The following DAW1 variants were observed in gnomAD, a reference collection of about 807,000 sequenced individuals.
DAW1 encodes dynein assembly factor with WD repeat domains 1.
Under a neutral mutation model 56.5 loss-of-function variants are expected in DAW1, and 47 were observed. That is an observed-to-expected ratio of 0.83 (90% CI 0.66 to 1.06). The LOEUF (loss-of-function observed/expected upper bound fraction) is 1.06, where lower values mean the gene tolerates loss of function less well. DAW1 is among the 50% of genes least tolerant of loss of function. DAW1 has a pLI of 0.00. For synonymous variants in DAW1, 190 were observed against 179.0 expected (o/e 1.06, Z -0.49); for missense variants, 505 against 499.3 (o/e 1.01, Z -0.11).
intron 1 of DAW1, among the ~76,000 whole-genome samples, chr2:227,878,084 A>G (rs1690927313): frequency 6.6e-6 from 1 of 152,234 alleles, no homozygotes; most frequent in African/African-American, 2.4e-5. Context: ...TATTTGCTAA[A>G]ATGTTAAAAA....
chr2:227,876,784 A>ATT lies in DAW1; in HGVS notation c.40+5056_40+5057dup, dbSNP rs1690894822. Among the ~76,000 whole-genome samples, 3 of 152,336 alleles carry ATT rather than the reference A, an allele frequency of 2.0e-5. No individual in the cohort carries two copies. The East Asian group carries it at 5.8e-4, about 29-fold the overall frequency. On this transcript the variant is annotated intron_variant, in intron 1 of 12. Transcript: ENST00000309931. ...CTTTTCATCTTGGTCACATTTATTA[A>ATT]TTCATAAGCTCTTTGCTTTGGGGAG...
At chr2:227,906,199 A>C in intron 8 of DAW1, 37 bp from the exon 9 acceptor site, 1 of 1,530,934 alleles carries the variant, frequency 6.5e-7, no homozygotes, top group Non-Finnish European at 9.0e-7. Flanking sequence ...CTGAAGTAAG[A>C]TATCTTTCAC....
intron 2 of DAW1, among the ~76,000 whole-genome samples, chr2:227,888,047 T>C (rs1044719627): frequency 6.6e-6 from 1 of 152,238 alleles, no homozygotes; most frequent in African/African-American, 2.4e-5. Context: ...TTTTTGACAA[T>C]GAAATATCTC....
At chr2:227,873,059 C>G (rs1468489410) in intron 1 of DAW1, among the ~76,000 whole-genome samples, 1 of 152,182 alleles carries the variant, frequency 6.6e-6, no homozygotes, top group Non-Finnish European at 1.5e-5. Flanking sequence ...TCTACCCTCA[C>G]TATACTTCTG....
At chr2:227,876,213 G>A (rs1380593869) in intron 1 of DAW1, among the ~76,000 whole-genome samples, 1 of 152,120 alleles carries the variant, frequency 6.6e-6, no homozygotes, top group African/African-American at 2.4e-5. Context: ...GTAGAGACGG[G>A]GTTTCACCGT....
At position 227,921,407 on chromosome 2, in the gene DAW1, CA is replaced by C. The variant is rs751057521; in HGVS notation, c.1061del (p.Asn354ThrfsTer8). The C allele has an allele frequency of 7.7e-6, 11 of 1,432,302 alleles. No individual in the cohort carries two copies. The highest frequency in any genetic ancestry group is 1.0e-5 in the Non-Finnish European group (11 of 1,070,788). 88.7% of individuals were successfully genotyped at this position (1,432,302 alleles called of 1,614,324 possible). On this transcript the variant is annotated frameshift_variant, in exon 12 of 13. Coordinates refer to ENST00000309931, the MANE Select transcript of DAW1 (RefSeq NM_178821.3). LOFTEE classifies it high-confidence loss of function. ...HEGEISKISF[N>X]PQGNHLLTGS... ...TTCTTTCTCTTTTGCAGATTTCTTT[CA>C]ACCCTCAAGGGAACCATCTTCTAAC...
chr2:227,918,138 A>ATCCG (rs1175825951), intron 10 of DAW1, among the ~76,000 whole-genome samples: 122 of 136,464 alleles, frequency 8.9e-4, no homozygotes, highest in African/African-American at 3.1e-3. Flanking sequence ...CCATCCATCC[A>ATCCG]TCCGTCCATC....
At chr2:227,883,345 T>C (rs1188634021) in intron 1 of DAW1, among the ~76,000 whole-genome samples, 2 of 152,236 alleles carry the variant, frequency 1.3e-5, no homozygotes, top group Admixed American at 1.3e-4. Flanking sequence ...TCTGATATTG[T>C]GTGATGAAAT....
chr2:227,918,704 T>C, intron 10 of DAW1, 76 bp from the exon 11 acceptor site: 1 of 1,505,030 alleles, frequency 6.6e-7, no homozygotes, highest in Non-Finnish European at 9.2e-7. Context: ...GATATATATT[T>C]ATACAATGCA....
At chr2:227,873,346 G>A (rs368172195) in intron 1 of DAW1, among the ~76,000 whole-genome samples, 2 of 152,084 alleles carry the variant, frequency 1.3e-5, no homozygotes, top group Non-Finnish European at 2.9e-5. Context: ...TGTAAACTTC[G>A]TGAGAACTAA....
chr2:227,916,918 CTG>C (rs944520497), intron 10 of DAW1, among the ~76,000 whole-genome samples: 6 of 152,308 alleles, frequency 3.9e-5, no homozygotes, highest in Middle Eastern at 3.4e-3. Context: ...TGATGCTACA[CTG>C]TGTATGTGTC....
rs1403666363 is a variant in DAW1, at chr2:227,917,122, A to ATCTATCTGTCTG, written c.974-1651_974-1650insGTCTGTCTATCT. Among the ~76,000 whole-genome samples the ATCTATCTGTCTG allele has an allele frequency of 2.3e-3, 224 of 99,078 alleles. 1 individual carries two copies. Among genetic ancestry groups the ATCTATCTGTCTG allele is most frequent in the African/African-American group, 0.011 (214 of 19,214 alleles). The allele number at this position is 99,078 out of a possible 152,430, so 65.0% of individuals were successfully genotyped here. ...TGACCATGCATGACAGTATCTATCT[A>ATCTATCTGTCTG]TCTATCTATCTATCTATCTATCTGT... is the stretch of plus-strand genomic sequence containing the variant. On this transcript the variant is annotated intron_variant, in intron 10 of 12. Coordinates refer to ENST00000309931, the MANE Select transcript of DAW1 (RefSeq NM_178821.3).
chr2:227,889,992 CT>C lies in DAW1; in HGVS notation c.255del (p.Phe85LeufsTer11). ...CCAGAACAGCAATCACACGTTCTATCTTTTTAAGGTAATGGATTTAAAAACA... is the reference window on the plus strand; with the variant it reads ...CCAGAACAGCAATCACACGTTCTATCTTTTAAGGTAATGGATTTAAAAACA... ...LGQNSNHTFY[L>X]FKVLKAHILP... On this transcript the variant is annotated frameshift_variant, in exon 3 of 13. Transcript: ENST00000309931. LOFTEE classifies it high-confidence loss of function. 1.3e-6 allele frequency: 2 copies of C among 1,578,924 alleles called. No individual in the cohort carries two copies. Among genetic ancestry groups the C allele is most frequent in the Non-Finnish European group, 1.7e-6 (2 of 1,167,202 alleles).
chr2:227,903,154 A>G (rs750469389), intron 7 of DAW1, 45 bp downstream of exon 7: 4 of 1,589,534 alleles, frequency 2.5e-6, no homozygotes, highest in Non-Finnish European at 2.6e-6. Context: ...GTTCATTCTT[A>G]TTTGTGTTTT....
At chr2:227,899,684 A>G (rs1307821196) in intron 6 of DAW1, among the ~76,000 whole-genome samples, 1 of 152,226 alleles carries the variant, frequency 6.6e-6, no homozygotes, top group Non-Finnish European at 1.5e-5. Flanking sequence ...AGAGCAAACA[A>G]GAACATACAG....
chr2:227,893,193 C>A (rs1481479472), intron 4 of DAW1, among the ~76,000 whole-genome samples: 1 of 150,992 alleles, frequency 6.6e-6, no homozygotes, highest in Non-Finnish European at 1.5e-5. Context: ...TCGCTTGAAC[C>A]CCGGAGGCAG....
intron 6 of DAW1, among the ~76,000 whole-genome samples, chr2:227,902,283 A>G (rs1449541438): frequency 6.6e-6 from 1 of 152,148 alleles, no homozygotes; most frequent in Non-Finnish European, 1.5e-5. Flanking sequence ...TAATGTTAGC[A>G]GTTGGTACGG....
intron 3 of DAW1, among the ~76,000 whole-genome samples, 155 bp from the exon 4 acceptor site, chr2:227,891,097 CAAT>C (rs1232795102): frequency 6.6e-6 from 1 of 152,162 alleles, no homozygotes; most frequent in Non-Finnish European, 1.5e-5. Flanking sequence ...TTAGTGCTAT[CAAT>C]AAGATGCCAC....
chr2:227,907,095 G>C, intron 9 of DAW1, 43 bp from the exon 10 acceptor site: 1 of 1,439,048 alleles, frequency 6.9e-7, no homozygotes, highest in Non-Finnish European at 9.6e-7. Flanking sequence ...CAGACAGAAA[G>C]TCATAGTCTT....
Sources: allele counts gnomAD v4.1 joint callset (sites outside exome capture counted in the v4.1 genomes callset), GRCh38; gene constraint gnomAD v4.1.1; transcripts MANE v1.5; gene names NCBI Gene and HGNC (gene_info 2026-07-23, HGNC 2026-07-21).